Variants in RAB11FIP4 observed in about 807,000 individuals in gnomAD.
RAB11FIP4 encodes the protein rab11 family-interacting protein 4.
RAB11FIP4 carries 23 observed loss-of-function variants against 74.3 expected under a neutral mutation model. The ratio of observed to expected loss-of-function variants is 0.31; its 90% CI spans 0.22 to 0.44. The LOEUF (loss-of-function observed/expected upper bound fraction) is 0.44, where lower values mean the gene tolerates loss of function less well. Among genes scored for constraint, RAB11FIP4 ranks in the 20% least tolerant of loss-of-function variants. The pLI, the probability that RAB11FIP4 is intolerant of heterozygous loss-of-function variation, is 1.00. For missense variants in RAB11FIP4, 630 were observed against 863.9 expected (o/e 0.73, Z 3.39); for synonymous variants, 360 against 359.9 (o/e 1.00, Z 0.00).
chr17:31,469,357 C>T (rs901006203), intron 3 of RAB11FIP4, among the ~76,000 whole-genome samples: 14 of 152,098 alleles, frequency 9.2e-5, no homozygotes, highest in African/African-American at 3.1e-4. Context: ...AGGCCAGGCA[C>T]GGTGGCCCAT....
At chr17:31,473,747 T>G (rs1402112508) in intron 3 of RAB11FIP4, among the ~76,000 whole-genome samples, 1 of 152,194 alleles carries the variant, frequency 6.6e-6, no homozygotes, top group African/African-American at 2.4e-5. Context: ...TGGTGCGATT[T>G]GCTCAGCGGG....
chr17:31,523,979 C>T lies in RAB11FIP4; in HGVS notation c.1116C>T (p.Asn372=). Residue 372 remains asparagine, a synonymous_variant, in exon 9 of 15, where the codon AAC becomes AAT. Transcript: ENST00000621161. ...TGAAGAGCAAGCTGAAGCAAGAGAA[C>T]ACACAGCTGGTGCACAGGTCAAGCA... is the stretch of plus-strand genomic sequence containing the variant. The part of the protein sequence containing the change: ...GDLKSKLKQE[N]TQLVHRVHEL... 3.1e-6 allele frequency: 5 copies of T among 1,611,096 alleles called. No individual in the cohort carries two copies. Among genetic ancestry groups the T allele is most frequent in the Non-Finnish European group, 4.2e-6 (5 of 1,178,824 alleles).
At chr17:31,490,367 T>C (rs934023646) in intron 3 of RAB11FIP4, among the ~76,000 whole-genome samples, 1 of 152,194 alleles carries the variant, frequency 6.6e-6, no homozygotes, top group Non-Finnish European at 1.5e-5. Flanking sequence ...CAACTGATTC[T>C]GTTCTGAGGA....
chr17:31,426,822 A>C (rs1002666595), intron 1 of RAB11FIP4, among the ~76,000 whole-genome samples: 2 of 151,850 alleles, frequency 1.3e-5, no homozygotes, highest in Non-Finnish European at 2.9e-5. Flanking sequence ...GGATGGTCTC[A>C]ATCTCTTGAC....
rs1402678937 is a variant in RAB11FIP4, at chr17:31,536,017, G to C, written c.*4285G>C. 6.9e-6 allele frequency: 1 copy of C among 145,092 alleles called. No homozygotes were observed. Among genetic ancestry groups the C allele is most frequent in the Admixed American group, 6.8e-5 (1 of 14,614 alleles). 9.0% of individuals were successfully genotyped at this position (145,092 alleles called of 1,614,324 possible). A position where few individuals can be genotyped will look rare whatever the true frequency, so the allele number is the denominator to read the frequency against. ...GGACACTCCAGGTGCTAGTCCACTG[G>C]TGCTGGTGTTCAGGGGAGTTGGGGG... On this transcript the variant is annotated 3_prime_UTR_variant, in exon 15 of 15. Transcript: ENST00000621161.
At chr17:31,408,874 T>C (rs2071066589) in intron 1 of RAB11FIP4, among the ~76,000 whole-genome samples, 1 of 152,154 alleles carries the variant, frequency 6.6e-6, no homozygotes, top group African/African-American at 2.4e-5. Context: ...AGGCTGGTGT[T>C]GGCACAAGAG....
chr17:31,513,221 C>A (rs1264159296), intron 3 of RAB11FIP4, among the ~76,000 whole-genome samples: 1 of 152,182 alleles, frequency 6.6e-6, no homozygotes, highest in African/African-American at 2.4e-5. Flanking sequence ...CCCACCGCCT[C>A]CAGAAGTCTG....
chr17:31,529,913 A>C (rs2072836686), intron 13 of RAB11FIP4, among the ~76,000 whole-genome samples: 1 of 152,168 alleles, frequency 6.6e-6, no homozygotes, highest in African/African-American at 2.4e-5. Flanking sequence ...AACTCCAACC[A>C]AGCAGGATTC....
At position 31,530,409 on chromosome 17, in the gene RAB11FIP4, T is replaced by C. The variant is rs752791263; in HGVS notation, c.1737T>C (p.Phe579=). 4.4e-5 allele frequency: 71 copies of C among 1,614,030 alleles called. 1 individual carries two copies. In the South Asian group the frequency reaches 7.7e-4, roughly 17 times the overall value. ...GCCTCTACGAAGCAAAAAACCTCTT[T>C]GCTGCCCAGACTAAAGCCCAGTCTC... ...SLSLYEAKNL[F]AAQTKAQSLA... The change falls in exon 14 of 15, where the codon TTT becomes TTC. Residue 579 remains phenylalanine (F), a synonymous_variant. Transcript: ENST00000621161.
intron 2 of RAB11FIP4, 151 bp downstream of exon 2, chr17:31,432,051 G>C (rs745417173): frequency 2.1e-4 from 130 of 620,552 alleles, no homozygotes; most frequent in African/African-American, 1.7e-3. Context: ...TGGCTTCCGG[G>C]GGGGCCAGAG....
At chr17:31,407,040 A>ATTTTTTTTTTTTTTT (rs59919036) in intron 1 of RAB11FIP4, among the ~76,000 whole-genome samples, 1 of 51,214 alleles carries the variant, frequency 2.0e-5, no homozygotes, top group Non-Finnish European at 3.5e-5. Context: ...GTTTCACTTG[A>ATTTTTTTTTTTTTTT]TTTTTTTTTT....
At chr17:31,492,462 G>T (rs992452334) in intron 3 of RAB11FIP4, among the ~76,000 whole-genome samples, 1 of 152,138 alleles carries the variant, frequency 6.6e-6, no homozygotes. Context: ...TGGGGCTTCA[G>T]CAGGGTGTCT....
At chr17:31,484,273 G>A (rs2071879329) in intron 3 of RAB11FIP4, among the ~76,000 whole-genome samples, 2 of 151,714 alleles carry the variant, frequency 1.3e-5, no homozygotes, top group South Asian at 4.2e-4. Context: ...GTTTCGTCAC[G>A]TTGGCCAGGC....
chr17:31,529,539 A>C (rs1016573931), intron 13 of RAB11FIP4, among the ~76,000 whole-genome samples: 3 of 152,138 alleles, frequency 2.0e-5, no homozygotes, highest in Non-Finnish European at 4.4e-5. Context: ...AAGTGTTGGG[A>C]TTACAGGAAT....
intron 3 of RAB11FIP4, among the ~76,000 whole-genome samples, chr17:31,469,631 CAAAAAA>C (rs11414143): frequency 1.1e-5 from 1 of 91,732 alleles, no homozygotes; most frequent in Non-Finnish European, 2.2e-5. Flanking sequence ...GACCCTCTCT[CAAAAAA>C]AAAAAAAAAA....
At chr17:31,474,254 C>T (rs1216481937) in intron 3 of RAB11FIP4, among the ~76,000 whole-genome samples, 1 of 152,088 alleles carries the variant, frequency 6.6e-6, no homozygotes, top group Non-Finnish European at 1.5e-5. Flanking sequence ...GGGGTGGGGA[C>T]ATCAGCACTG....
intron 1 of RAB11FIP4, among the ~76,000 whole-genome samples, chr17:31,422,993 C>T (rs1330841344): frequency 6.7e-6 from 1 of 149,292 alleles, no homozygotes; most frequent in African/African-American, 2.5e-5. Context: ...GATCTCGGCT[C>T]ACTGCAAGCT....
intron 3 of RAB11FIP4, among the ~76,000 whole-genome samples, chr17:31,480,463 G>C (rs1470383738): frequency 6.6e-6 from 1 of 152,132 alleles, no homozygotes; most frequent in Admixed American, 6.5e-5. Context: ...ACCCTTTCCT[G>C]AAGCAAAAAT....
At position 31,512,697 on chromosome 17, in the gene RAB11FIP4, T is replaced by G. The variant is rs2072473946; in HGVS notation, c.337-4954T>G. 6.6e-6 allele frequency among the ~76,000 whole-genome samples: 1 copy of G among 152,130 alleles called. No individual in the cohort carries two copies. The highest frequency in any genetic ancestry group is 1.5e-5 in the Non-Finnish European group (1 of 67,992). On this transcript the variant is annotated intron_variant, in intron 3 of 14. Transcript: ENST00000621161. This position sits in a 1 kb window ranked among gnomAD's most constrained non-coding sequence, Gnocchi z 4.1. ...AGAGACGATGCCCGGTGCTGCCTCC[T>G]GAGGATACCACACTGTCCCTTCCCC...
Sources: gnomAD v4.1 joint callset for allele counts (sites outside exome capture counted in the v4.1 genomes callset) on GRCh38, gnomAD v4.1.1 for gene constraint, Gnocchi (gnomAD v3.1) non-coding constraint, MANE v1.5 for transcripts, NCBI Gene and HGNC (gene_info 2026-07-23, HGNC 2026-07-21) for gene names.